Variants in KANSL1 observed in about 807,000 individuals in gnomAD.
The protein encoded by KANSL1 is MLL1/MLL complex subunit KANSL1.
A neutral mutation model predicts 103.6 loss-of-function variants in KANSL1; 22 were observed. The ratio of observed to expected loss-of-function variants is 0.21; its 90% confidence interval spans 0.15 to 0.30. KANSL1 has a LOEUF of 0.30. Ranked by LOEUF, KANSL1 falls within the 10% of genes least tolerant of loss-of-function variation. The pLI is 1.00. For synonymous variants in KANSL1, 600 were observed against 527.6 expected (o/e 1.14, Z -1.88); for missense variants, 1,337 against 1,399.8 (o/e 0.96, Z 0.72).
chr17:46,057,061 A>G, intron 6 of KANSL1, among the ~76,000 whole-genome samples: 1 of 152,234 alleles, frequency 6.6e-6, no homozygotes, highest in East Asian at 1.9e-4. Flanking sequence ...CCCATTAAAT[A>G]TTAGTGGTGA....
intron 9 of KANSL1, 147 bp downstream of exon 9, chr17:46,038,880 C>T (rs745759650): frequency 1.7e-4 from 197 of 1,153,512 alleles, no homozygotes; most frequent in Non-Finnish European, 2.3e-4. Flanking sequence ...AAGAAGTGAC[C>T]TCCATTTAGA....
At chr17:46,050,163 ACCT>A in intron 7 of KANSL1, 1 of 189,990 alleles carries the variant, frequency 5.3e-6, no homozygotes, top group Non-Finnish European at 1.1e-5. Context: ...TGATCCGTCC[ACCT>A]CAGCCTCCCA....
intron 10 of KANSL1, chr17:46,035,267 A>T (rs2146331701): frequency 6.6e-6 from 1 of 152,428 alleles, no homozygotes; most frequent in East Asian, 1.9e-4. Context: ...AAGAGGCTGC[A>T]TTTATACCTA....
chr17:46,143,287 A>C (rs1038399545), intron 2 of KANSL1, among the ~76,000 whole-genome samples: 1 of 152,186 alleles, frequency 6.6e-6, no homozygotes, highest in African/African-American at 2.4e-5. Flanking sequence ...TGAAGTCAGG[A>C]GTTCAAGACC....
At chr17:46,058,737 ACACACACTCTCTCTCTCTCT>A (rs759519484) in intron 6 of KANSL1, among the ~76,000 whole-genome samples, 2,353 of 71,988 alleles carry the variant, frequency 0.033, 63 homozygotes, top group African/African-American at 0.1. Flanking sequence ...ACACACACAC[ACACACACTCTCTCTCTCTCT>A]CTCTCTCTCT....
At chr17:46,120,579 CAAAGA>C (rs748831220) in intron 2 of KANSL1, among the ~76,000 whole-genome samples, 5 of 152,052 alleles carry the variant, frequency 3.3e-5, no homozygotes, top group African/African-American at 4.8e-5. Flanking sequence ...CCTCAACAAT[CAAAGA>C]AAACATGATA....
At chr17:46,072,337 A>T (rs2078609060) in intron 4 of KANSL1, among the ~76,000 whole-genome samples, 1 of 152,160 alleles carries the variant, frequency 6.6e-6, no homozygotes, top group Non-Finnish European at 1.5e-5. Context: ...GCCATGTCAC[A>T]CCTGCTTGCA....
chr17:46,060,865 A>G (rs1275702200), intron 6 of KANSL1, among the ~76,000 whole-genome samples: 4 of 152,240 alleles, frequency 2.6e-5, no homozygotes, highest in East Asian at 1.9e-4. Flanking sequence ...AATGGGAAGA[A>G]GAGGAGGACT....
intron 1 of KANSL1, among the ~76,000 whole-genome samples, chr17:46,177,988 A>C (rs2046608127): frequency 6.6e-6 from 1 of 152,128 alleles, no homozygotes; most frequent in Non-Finnish European, 1.5e-5. Context: ...CATGTTAGCC[A>C]GGATGGTCTC....
intron 1 of KANSL1, among the ~76,000 whole-genome samples, chr17:46,178,935 A>C (rs1411965277): frequency 6.6e-6 from 1 of 152,240 alleles, no homozygotes; most frequent in African/African-American, 2.4e-5. Context: ...CCATCGGTCC[A>C]AGGACAAACT....
At chr17:46,159,505 C>T (rs576040767) in intron 2 of KANSL1, among the ~76,000 whole-genome samples, 1 of 152,306 alleles carries the variant, frequency 6.6e-6, no homozygotes, top group African/African-American at 2.4e-5. Context: ...TGAAATGACA[C>T]AAATACAGAC....
chr17:46,208,979 T>C (rs9902225), intron 1 of KANSL1, among the ~76,000 whole-genome samples: 4,460 of 152,110 alleles, frequency 0.029, 181 homozygotes, highest in African/African-American at 0.09. Context: ...GAGACCAGCC[T>C]GGCCAACATG....
intron 6 of KANSL1, among the ~76,000 whole-genome samples, chr17:46,062,531 G>C (rs540893405): frequency 1.3e-3 from 201 of 150,772 alleles, no homozygotes; most frequent in Non-Finnish European, 2.3e-3. Context: ...GCTAATTTTT[G>C]TATTTTTAGT....
intron 6 of KANSL1, among the ~76,000 whole-genome samples, chr17:46,056,018 A>G (rs1245272800): frequency 1.3e-5 from 2 of 152,186 alleles, no homozygotes; most frequent in Admixed American, 1.3e-4. Flanking sequence ...TATTTTTTTG[A>G]TACAGAGTCT....
intron 2 of KANSL1, among the ~76,000 whole-genome samples, chr17:46,141,451 G>T (rs2044416804): frequency 1.3e-5 from 2 of 152,234 alleles, no homozygotes; most frequent in African/African-American, 4.8e-5. Context: ...GAGCATAGGG[G>T]CTGCTTAAGG....
intron 13 of KANSL1, 83 bp from the exon 14 acceptor site, chr17:46,032,382 G>T: frequency 7.9e-7 from 1 of 1,260,526 alleles, no homozygotes; most frequent in Non-Finnish European, 1.1e-6. Context: ...CATCCCCACT[G>T]GAGGAGTTGA....
At chr17:46,068,010 G>A (rs551854770) in intron 4 of KANSL1, among the ~76,000 whole-genome samples, 1 of 152,002 alleles carries the variant, frequency 6.6e-6, no homozygotes, top group Non-Finnish European at 1.5e-5. Flanking sequence ...TTTTGCTTTG[G>A]GGGGAAGAGG....
chr17:46,186,691 T>G (rs776079678), intron 1 of KANSL1, among the ~76,000 whole-genome samples: 1 of 152,244 alleles, frequency 6.6e-6, no homozygotes, highest in Non-Finnish European at 1.5e-5. Flanking sequence ...GAGAGTTTAA[T>G]GAAACTTTCC....
chr17:46,177,417 T>C (rs956982797), intron 1 of KANSL1, among the ~76,000 whole-genome samples: 1 of 152,242 alleles, frequency 6.6e-6, no homozygotes, highest in Non-Finnish European at 1.5e-5. Context: ...TTACTTTTAA[T>C]ATTTCATGAT....
Sources: allele counts gnomAD v4.1 joint callset (sites outside exome capture counted in the v4.1 genomes callset), GRCh38; gene constraint gnomAD v4.1.1; transcripts MANE v1.5; gene names NCBI Gene and HGNC (gene_info 2026-07-23, HGNC 2026-07-21).